The following FARS2 variants were observed in gnomAD, a reference collection of about 807,000 sequenced individuals.
FARS2 encodes the protein phenylalanyl-tRNA synthetase 2, mitochondrial, also known as phenylalanine--tRNA ligase, mitochondrial.
Under a neutral mutation model 46.4 loss-of-function variants are expected in FARS2, and 40 were observed. The observed-to-expected ratio is 0.86, with a 90% CI of 0.67 to 1.12. The LOEUF is 1.12. Among genes scored for constraint, FARS2 ranks in the 50% most tolerant of loss-of-function variants. FARS2 has a pLI of 0.00. For synonymous variants in FARS2, 234 were observed against 214.9 expected (o/e 1.09, Z -0.78); for missense variants, 513 against 567.9 (o/e 0.90, Z 0.98).
chr6:5,456,717 C>T (rs112794049), intron 4 of FARS2, among the ~76,000 whole-genome samples: 22 of 92,558 alleles, frequency 2.4e-4, no homozygotes, highest in African/African-American at 8.1e-4. Flanking sequence ...GGCAACACAG[C>T]GAGACTCCAT....
At chr6:5,685,072 G>A (rs1291921615) in intron 6 of FARS2, among the ~76,000 whole-genome samples, 3 of 152,130 alleles carry the variant, frequency 2.0e-5, no homozygotes, top group Non-Finnish European at 4.4e-5. Context: ...CAGTGTGTGG[G>A]GTTGTCACTT....
intron 4 of FARS2, among the ~76,000 whole-genome samples, chr6:5,506,368 C>T (rs1217080060): frequency 1.3e-5 from 2 of 152,150 alleles, no homozygotes; most frequent in African/African-American, 4.8e-5. Context: ...ATAGAGGAAC[C>T]CCACTGTGAG....
chr6:5,481,783 G>A (rs900443175), intron 4 of FARS2, among the ~76,000 whole-genome samples: 4 of 138,774 alleles, frequency 2.9e-5, no homozygotes, highest in Non-Finnish European at 4.7e-5. Context: ...ATACTTAGGC[G>A]GATTGGAATG....
chr6:5,516,298 G>A (rs1411185762), intron 4 of FARS2, among the ~76,000 whole-genome samples: 1 of 152,214 alleles, frequency 6.6e-6, no homozygotes, highest in Non-Finnish European at 1.5e-5. Flanking sequence ...GCCAGAAAGT[G>A]TAGCACAAGG....
In FARS2 at chr6:5,582,471, G is replaced by A. The variant is rs1337211066; in HGVS notation, c.1066-30698G>A. Among the ~76,000 whole-genome samples, 3 of 152,324 alleles carry A rather than the reference G, an allele frequency of 2.0e-5. No homozygotes were observed. The East Asian group carries it at 5.8e-4, about 29-fold the overall frequency. On this transcript the variant is annotated intron_variant, in intron 5 of 6. Coordinates refer to ENST00000274680, the MANE Select transcript of FARS2 (RefSeq NM_006567.5). ...TACAATAACACCATAAAGAAAGTAC[G>A]AAGAGTGTCCCATTTTGCAGATGAG...
chr6:5,693,278 A>G (rs1757883456), intron 6 of FARS2, among the ~76,000 whole-genome samples: 1 of 152,160 alleles, frequency 6.6e-6, no homozygotes, highest in Non-Finnish European at 1.5e-5. Context: ...CAACTTGCAA[A>G]ATGATCTAAA....
At chr6:5,607,303 G>A (rs1431835475) in intron 5 of FARS2, among the ~76,000 whole-genome samples, 3 of 138,944 alleles carry the variant, frequency 2.2e-5, no homozygotes, top group African/African-American at 9.0e-5. Context: ...GTGTGTGTGT[G>A]TGTGTGTGTG....
intron 1 of FARS2, among the ~76,000 whole-genome samples, chr6:5,302,478 G>A (rs2127535698): frequency 6.6e-6 from 1 of 152,148 alleles, no homozygotes; most frequent in East Asian, 1.9e-4. Context: ...GGGAGTTGAA[G>A]TTAAAAAAAA....
At chr6:5,715,315 C>T (rs1202302355) in intron 6 of FARS2, among the ~76,000 whole-genome samples, 2 of 152,154 alleles carry the variant, frequency 1.3e-5, no homozygotes, top group South Asian at 2.1e-4. Flanking sequence ...CCACACCCTC[C>T]CCAGCATGCG....
At chr6:5,340,512 G>A (rs1032404016) in intron 1 of FARS2, among the ~76,000 whole-genome samples, 5 of 152,106 alleles carry the variant, frequency 3.3e-5, no homozygotes, top group Admixed American at 1.3e-4. Flanking sequence ...ACACGAGCCC[G>A]TAAAGTTTGA....
chr6:5,279,263 G>C (rs920286777), intron 1 of FARS2, among the ~76,000 whole-genome samples: 1 of 151,448 alleles, frequency 6.6e-6, no homozygotes, highest in Non-Finnish European at 1.5e-5. Flanking sequence ...TGTAGTCTCA[G>C]CTACTCGGGA....
intron 6 of FARS2, among the ~76,000 whole-genome samples, chr6:5,700,214 A>C (rs1321933303): frequency 6.6e-6 from 1 of 152,180 alleles, no homozygotes; most frequent in African/African-American, 2.4e-5. Flanking sequence ...AGTTTTCCTT[A>C]TTAGTAAAAT....
intron 2 of FARS2, among the ~76,000 whole-genome samples, chr6:5,391,540 A>G (rs1181673403): frequency 6.6e-6 from 1 of 151,746 alleles, no homozygotes; most frequent in African/African-American, 2.4e-5. Context: ...TGTAAGGCAG[A>G]TTGTATAGAT....
At chr6:5,479,657 T>G (rs1167823446) in intron 4 of FARS2, among the ~76,000 whole-genome samples, 1 of 152,224 alleles carries the variant, frequency 6.6e-6, no homozygotes, top group Non-Finnish European at 1.5e-5. Context: ...CTCTGCATAA[T>G]AAAGCAATTG....
At chr6:5,740,842 C>T (rs545187911) in intron 6 of FARS2, among the ~76,000 whole-genome samples, 78 of 152,306 alleles carry the variant, frequency 5.1e-4, no homozygotes, top group Non-Finnish European at 8.7e-4. Flanking sequence ...TCCCAGGCTC[C>T]GTCTTTTGTA....
At chr6:5,637,489 T>A (rs1776602505) in intron 6 of FARS2, among the ~76,000 whole-genome samples, 1 of 152,168 alleles carries the variant, frequency 6.6e-6, no homozygotes, top group African/African-American at 2.4e-5. Flanking sequence ...AGCCTGTAAG[T>A]GACAGAGACA....
At chr6:5,607,864 G>A (rs1171968183) in intron 5 of FARS2, among the ~76,000 whole-genome samples, 1 of 151,870 alleles carries the variant, frequency 6.6e-6, no homozygotes, top group Non-Finnish European at 1.5e-5. Flanking sequence ...ATAAAAGAAA[G>A]GATATAGAAG....
rs373570978 is a variant in FARS2, at chr6:5,694,204, A to T, written c.1218-77087A>T. On this transcript the variant is annotated intron_variant, in intron 6 of 6. Transcript: ENST00000274680. ...AATAGGAATATAGCTAATCCTTAGC[A>T]TTTCTTATAGTAGCTAAGGTCAGTG... Among the ~76,000 whole-genome samples, 14 of 152,356 alleles carry T rather than the reference A, an allele frequency of 9.2e-5. No individual in the cohort carries two copies. The East Asian group carries it at 2.7e-3, about 29-fold the overall frequency.
intron 4 of FARS2, among the ~76,000 whole-genome samples, chr6:5,503,373 A>AC (rs759408179): frequency 7.3e-6 from 1 of 136,266 alleles, no homozygotes; most frequent in African/African-American, 2.7e-5. Flanking sequence ...AGGTATTCTT[A>AC]ACACACACAC....
Sources: gnomAD v4.1 joint callset for allele counts (sites outside exome capture counted in the v4.1 genomes callset) on GRCh38, gnomAD v4.1.1 for gene constraint, MANE v1.5 for transcripts, NCBI Gene and HGNC (gene_info 2026-07-23, HGNC 2026-07-21) for gene names.